Variants in CACNA1C observed in about 807,000 individuals in gnomAD.
CACNA1C encodes voltage-dependent L-type calcium channel subunit alpha-1C.
CACNA1C carries 30 observed loss-of-function variants against 229.0 expected under a neutral mutation model. That is an observed-to-expected ratio of 0.13 (90% CI 0.10 to 0.18). CACNA1C has a LOEUF of 0.18. Ranked by LOEUF, CACNA1C falls within the 10% of genes least tolerant of loss-of-function variation. The pLI, the probability that CACNA1C is intolerant of heterozygous loss-of-function variation, is 1.00. For missense variants in CACNA1C, 1,658 were observed against 2,845.0 expected (o/e 0.58, Z 9.49); for synonymous variants, 1,114 against 1,132.5 (o/e 0.98, Z 0.33).
intron 9 of CACNA1C, among the ~76,000 whole-genome samples, chr12:2,529,961 C>T (rs2099836905): frequency 6.6e-6 from 1 of 152,206 alleles, no homozygotes; most frequent in Non-Finnish European, 1.5e-5. Flanking sequence ...GGTCAACTCC[C>T]TTCAAAGGGG....
intron 4 of CACNA1C, among the ~76,000 whole-genome samples, chr12:2,455,195 CAA>C (rs2099409926): frequency 1.3e-5 from 2 of 152,182 alleles, no homozygotes; most frequent in Non-Finnish European, 2.9e-5. Context: ...CATTCAGAAA[CAA>C]AACCCTCTTG....
intron 3 of CACNA1C, among the ~76,000 whole-genome samples, chr12:2,409,700 TC>T (rs1436274177): frequency 6.6e-6 from 1 of 152,128 alleles, no homozygotes; most frequent in Non-Finnish European, 1.5e-5. Context: ...TTCCTCGCAG[TC>T]CCCCCCAAAC....
rs536400626 is a variant in CACNA1C, at chr12:2,666,228, G to A, written c.4527-458G>A. On this transcript the variant is annotated intron_variant, in intron 36 of 46. Coordinates refer to ENST00000399655, the MANE Select transcript of CACNA1C (RefSeq NM_000719.7). This position sits in a 1 kb window ranked among gnomAD's most constrained non-coding sequence, Gnocchi z 5.3. Reference sequence around the variant, plus strand: ...AATAATATATCTACTATATTCAGTTGAATGGAAGGATAGGAAATTCTAGTA... The same window carrying A: ...AATAATATATCTACTATATTCAGTTAAATGGAAGGATAGGAAATTCTAGTA... 6.6e-6 allele frequency among the ~76,000 whole-genome samples: 1 copy of A among 152,232 alleles called. No homozygotes were observed. The highest frequency in any genetic ancestry group is 1.9e-4 in the East Asian group (1 of 5,174).
Position 2,482,700 on chromosome 12 carries a change from G to A in CACNA1C, c.758-3404G>A, listed in dbSNP as rs191011212. Among the ~76,000 whole-genome samples the A allele has an allele frequency of 2.4e-3, 359 of 152,268 alleles. 1 individual carries two copies. The highest frequency in any genetic ancestry group is 8.2e-3 in the African/African-American group (339 of 41,566). On this transcript the variant is annotated intron_variant, in intron 5 of 46. Coordinates refer to ENST00000399655, the MANE Select transcript of CACNA1C (RefSeq NM_000719.7). ...TCACTGCTTGGATACCTCTGAGGAT[G>A]GGGAATCACTACCTCTTAAAGCACC...
chr12:2,219,307 T>C (rs928814011), intron 3 of CACNA1C, among the ~76,000 whole-genome samples: 4 of 152,326 alleles, frequency 2.6e-5, no homozygotes, highest in African/African-American at 9.6e-5. Flanking sequence ...CCTGTTTCCT[T>C]CTTGACTCCT....
intron 3 of CACNA1C, among the ~76,000 whole-genome samples, chr12:2,322,443 T>C (rs2096055499): frequency 6.6e-6 from 1 of 152,132 alleles, no homozygotes; most frequent in Admixed American, 6.5e-5. Flanking sequence ...CCACCAGTGG[T>C]CATGATGCCC....
chr12:2,621,486 G>T (rs976529168), intron 29 of CACNA1C, among the ~76,000 whole-genome samples: 2 of 152,212 alleles, frequency 1.3e-5, no homozygotes, highest in African/African-American at 4.8e-5. Flanking sequence ...TGAGGGGTGT[G>T]CACTTCCTCT....
intron 3 of CACNA1C, among the ~76,000 whole-genome samples, chr12:2,378,552 G>A (rs1432914804): frequency 1.3e-5 from 2 of 152,208 alleles, no homozygotes; most frequent in Non-Finnish European, 2.9e-5. Flanking sequence ...ACCCTGTGCG[G>A]GCAAGAGGGG....
intron 3 of CACNA1C, among the ~76,000 whole-genome samples, chr12:2,210,565 T>C (rs2154337215): frequency 1.3e-5 from 2 of 152,344 alleles, no homozygotes; most frequent in Middle Eastern, 6.8e-3. Flanking sequence ...AGTGGATTTT[T>C]AACCCAGTTC....
intron 30 of CACNA1C, chr12:2,641,880 A>G: frequency 4.5e-6 from 3 of 670,412 alleles, no homozygotes; most frequent in East Asian, 2.7e-5. Flanking sequence ...TGAGAGAGTT[A>G]GCAGAGCCAC....
chr12:2,050,521 C>T (rs116985258), upstream of CACNA1C, among the ~76,000 whole-genome samples: 2,377 of 152,286 alleles, frequency 0.016, 28 homozygotes, highest in South Asian at 0.045. Context: ...ACCAATTTTA[C>T]TATTCATTTA....
At chr12:2,455,751 C>T (rs2099413766) in intron 4 of CACNA1C, among the ~76,000 whole-genome samples, 2 of 152,170 alleles carry the variant, frequency 1.3e-5, no homozygotes, top group African/African-American at 4.8e-5. Flanking sequence ...CATGTCTCTG[C>T]AGCACGTGAC....
At position 1,993,915 on chromosome 12, in the gene CACNA1C, T is replaced by C. The variant is rs530868703; in HGVS notation, c.139+22714T>C. Reference sequence around the variant, plus strand: ...AGTGATATGAAGCAACTCTGAACAATGAACTTGTGAGGACACAGCCTGAAC... The same window carrying C: ...AGTGATATGAAGCAACTCTGAACAACGAACTTGTGAGGACACAGCCTGAAC... On this transcript the variant is annotated intron_variant, in intron 1 of 46. Transcript: ENST00000682462. 2.0e-5 allele frequency among the ~76,000 whole-genome samples: 3 copies of C among 152,296 alleles called. No homozygotes were observed. The East Asian group carries it at 5.8e-4, about 29-fold the overall frequency.
chr12:2,026,602 A>G (rs2047371027), intron 1 of CACNA1C, among the ~76,000 whole-genome samples: 2 of 152,266 alleles, frequency 1.3e-5, no homozygotes, highest in African/African-American at 4.8e-5. Flanking sequence ...AGATGCTGGA[A>G]GACTTCACTC....
chr12:2,230,921 C>A, intron 3 of CACNA1C, among the ~76,000 whole-genome samples: 1 of 152,152 alleles, frequency 6.6e-6, no homozygotes, highest in Non-Finnish European at 1.5e-5. Context: ...GCCCAAAGAC[C>A]CTTGCTAACA....
Position 2,608,416 on chromosome 12 carries a change from C to G in CACNA1C, c.3357-95C>G, listed in dbSNP as rs894413502. ...CCAGCCCAGAGCTGTCTCCTGCACC[C>G]TGATCCCTGGGATCCCTGGAGCAGT... On this transcript the variant is annotated intron_variant, in intron 26 of 46. Transcript: ENST00000399655. This position sits in a 1 kb window ranked among gnomAD's most constrained non-coding sequence, Gnocchi z 4.2. The G allele has an allele frequency of 2.1e-6, 2 of 944,234 alleles. No individual in the cohort carries two copies. Among genetic ancestry groups the G allele is most frequent in the East Asian group, 2.6e-5 (1 of 37,950 alleles). The allele number at this position is 944,234 out of a possible 1,614,324, so 58.5% of individuals were successfully genotyped here.
intron 10 of CACNA1C, among the ~76,000 whole-genome samples, chr12:2,554,909 A>T (rs1200729370): frequency 2.0e-5 from 3 of 152,224 alleles, no homozygotes; most frequent in Non-Finnish European, 4.4e-5. Context: ...GCTTGTCAAA[A>T]GTGCCAGCCT....
intron 7 of CACNA1C, among the ~76,000 whole-genome samples, chr12:2,496,771 T>C: frequency 6.6e-6 from 1 of 152,230 alleles, no homozygotes; most frequent in Admixed American, 6.5e-5. Flanking sequence ...ATATCCTGTT[T>C]GAGGAGTGTG....
intron 3 of CACNA1C, among the ~76,000 whole-genome samples, chr12:2,159,661 A>G (rs1320153060): frequency 6.7e-6 from 1 of 149,090 alleles, no homozygotes; most frequent in Non-Finnish European, 1.5e-5. Context: ...CTGGAGTGCA[A>G]CGGCATAATC....
Sources: allele counts gnomAD v4.1 joint callset (sites outside exome capture counted in the v4.1 genomes callset), GRCh38; gene constraint gnomAD v4.1.1; non-coding constraint Gnocchi (gnomAD v3.1); transcripts MANE v1.5; gene names NCBI Gene and HGNC (gene_info 2026-07-23, HGNC 2026-07-21).